Variants in STIM1 observed in about 807,000 individuals in gnomAD.
The protein encoded by STIM1 is stromal interaction molecule 1.
STIM1 carries 25 observed loss-of-function variants against 74.7 expected under a neutral mutation model. That is an observed-to-expected ratio of 0.33 (90% CI 0.24 to 0.47). STIM1 has a LOEUF of 0.47. STIM1 is among the 20% of genes least tolerant of loss of function. The pLI, the probability that STIM1 is intolerant of heterozygous loss-of-function variation, is 1.00. For missense variants in STIM1, 728 were observed against 920.8 expected, an observed-to-expected ratio of 0.79 and a Z score of 2.71; for synonymous variants, 328 against 348.8, an observed-to-expected ratio of 0.94 and a Z score of 0.66.
intron 5 of STIM1, among the ~76,000 whole-genome samples, chr11:4,061,474 A>G (rs2094330243): frequency 6.6e-6 from 1 of 152,234 alleles, no homozygotes; most frequent in South Asian, 2.1e-4. Flanking sequence ...TATAATAATA[A>G]TAGTTTTTAA....
intron 1 of STIM1, among the ~76,000 whole-genome samples, chr11:3,954,354 G>T (rs897652583): frequency 1.3e-5 from 2 of 152,090 alleles, no homozygotes; most frequent in African/African-American, 4.8e-5. Context: ...GCATTTGTTT[G>T]TTCGTTCAAC....
At chr11:4,046,705 A>C (rs918048862) in intron 3 of STIM1, among the ~76,000 whole-genome samples, 4 of 152,198 alleles carry the variant, frequency 2.6e-5, no homozygotes, top group African/African-American at 4.8e-5. Context: ...GCTGGAGTGC[A>C]ATGGTGCAGT....
At chr11:4,046,191 A>G (rs1196368059) in intron 3 of STIM1, among the ~76,000 whole-genome samples, 1 of 149,390 alleles carries the variant, frequency 6.7e-6, no homozygotes. Flanking sequence ...TAGCCTCCCA[A>G]GTAGCTGGGA....
intron 2 of STIM1, among the ~76,000 whole-genome samples, chr11:4,013,690 CTTTTTTTTTTTTTTTTTTTT>C (rs1169600270): frequency 7.7e-5 from 4 of 51,912 alleles, no homozygotes; most frequent in African/African-American, 2.9e-4. Flanking sequence ...TCATTGATTT[CTTTTTTTTTTTTTTTTTTTT>C]TTTTTTTTTT....
chr11:3,934,359 T>C (rs1485393375), intron 1 of STIM1, among the ~76,000 whole-genome samples: 2 of 152,192 alleles, frequency 1.3e-5, no homozygotes, highest in Non-Finnish European at 2.9e-5. Context: ...TGACAGGCTT[T>C]TTCATATCTT....
At chr11:3,882,125 G>A (rs1227939918) in intron 1 of STIM1, among the ~76,000 whole-genome samples, 2 of 115,096 alleles carry the variant, frequency 1.7e-5, no homozygotes, top group East Asian at 2.8e-4. Flanking sequence ...TTGAGACAGA[G>A]TTTCGCTCTT....
chr11:4,053,347 A>G (rs2094259368), intron 3 of STIM1, among the ~76,000 whole-genome samples: 1 of 152,248 alleles, frequency 6.6e-6, no homozygotes, highest in Non-Finnish European at 1.5e-5. Context: ...TCCATCAACG[A>G]TAGATTGGAT....
At chr11:3,959,582 T>G (rs1320920891) in intron 1 of STIM1, among the ~76,000 whole-genome samples, 1 of 152,118 alleles carries the variant, frequency 6.6e-6, no homozygotes, top group Middle Eastern at 3.2e-3. Flanking sequence ...GAACAACTCA[T>G]AACATGAGAA....
At chr11:3,910,374 A>G (rs2092541793) in intron 1 of STIM1, among the ~76,000 whole-genome samples, 1 of 152,200 alleles carries the variant, frequency 6.6e-6, no homozygotes, top group South Asian at 2.1e-4. Context: ...CAGAGATGCC[A>G]GAGGACTGGA....
chr11:4,062,211 A>G (rs2094335680), intron 5 of STIM1, among the ~76,000 whole-genome samples: 1 of 152,264 alleles, frequency 6.6e-6, no homozygotes, highest in African/African-American at 2.4e-5. Context: ...GGACTTCACC[A>G]AAATAAAAAA....
At chr11:4,081,015 G>A (rs2094462788) in intron 7 of STIM1, among the ~76,000 whole-genome samples, 2 of 151,576 alleles carry the variant, frequency 1.3e-5, no homozygotes, top group East Asian at 1.9e-4. Context: ...TTTTTTTCAG[G>A]GAACAGAAAC....
intron 1 of STIM1, among the ~76,000 whole-genome samples, chr11:3,912,203 C>G (rs547814697): frequency 2.8e-3 from 300 of 107,914 alleles, no homozygotes; most frequent in African/African-American, 0.01. Flanking sequence ...CCCTTCTCCC[C>G]TACCTTCTCC....
intron 2 of STIM1, chr11:3,999,520 G>A (rs1232244797): frequency 6.6e-6 from 1 of 152,258 alleles, no homozygotes; most frequent in East Asian, 1.9e-4. Flanking sequence ...GTAATGGGGA[G>A]CCATGAGATG....
At chr11:3,910,983 G>A (rs1176677389) in intron 1 of STIM1, among the ~76,000 whole-genome samples, 1 of 152,028 alleles carries the variant, frequency 6.6e-6, no homozygotes, top group Non-Finnish European at 1.5e-5. Flanking sequence ...GAGACAAACA[G>A]ACAAACAAAC....
At chr11:4,072,521 G>T (rs1278518427) in intron 6 of STIM1, among the ~76,000 whole-genome samples, 3 of 152,206 alleles carry the variant, frequency 2.0e-5, no homozygotes, top group Admixed American at 1.3e-4. Context: ...AATGCTAATT[G>T]TTGTTGCCTT....
chr11:4,061,706 G>A (rs1381712274), intron 5 of STIM1, among the ~76,000 whole-genome samples: 3 of 152,184 alleles, frequency 2.0e-5, no homozygotes, highest in African/African-American at 7.2e-5. Context: ...TTTCATAGCA[G>A]CACATGTCAC....
intron 2 of STIM1, among the ~76,000 whole-genome samples, chr11:3,982,501 A>G (rs1177026277): frequency 6.6e-6 from 1 of 152,178 alleles, no homozygotes; most frequent in African/African-American, 2.4e-5. Context: ...TCGTACTACC[A>G]TTGCTATGAT....
At chr11:3,891,209 A>G (rs762610345) in intron 1 of STIM1, among the ~76,000 whole-genome samples, 2 of 152,214 alleles carry the variant, frequency 1.3e-5, no homozygotes, top group Non-Finnish European at 2.9e-5. Flanking sequence ...TGGTGCAAGT[A>G]GGACTTAAAC....
At chr11:3,971,453 T>C (rs868161919) in intron 2 of STIM1, among the ~76,000 whole-genome samples, 36 of 152,022 alleles carry the variant, frequency 2.4e-4, no homozygotes, top group African/African-American at 8.5e-4. Flanking sequence ...GGCGTGAGCC[T>C]GGGAGGCGGA....
Sources: allele counts gnomAD v4.1 joint callset (sites outside exome capture counted in the v4.1 genomes callset), GRCh38; gene constraint gnomAD v4.1.1; transcripts MANE v1.5; gene names NCBI Gene and HGNC (gene_info 2026-07-23, HGNC 2026-07-21).